The following UQCC5 variants were observed in gnomAD, a reference collection of about 807,000 sequenced individuals.
UQCC5 encodes the protein ubiquinol-cytochrome c reductase complex assembly factor 5.
At chr3:52,540,143 G>A in the UQCC5 span, among the ~76,000 whole-genome samples, 2 of 152,216 alleles carry the variant, frequency 1.3e-5, no homozygotes, top group African/African-American at 4.8e-5. Flanking sequence ...GAAATTATGG[G>A]GGAGAAGGAA....
the UQCC5 span, chr3:52,536,982 A>G: frequency 2.0e-6 from 3 of 1,517,340 alleles, no homozygotes; most frequent in African/African-American, 4.2e-5. Context: ...TCTGGGGAGT[A>G]TTCTCAGATT....
the UQCC5 span, among the ~76,000 whole-genome samples, chr3:52,539,903 C>T: frequency 6.6e-6 from 1 of 152,186 alleles, no homozygotes. Flanking sequence ...TCCCAAAGTG[C>T]TGGGATTACA....
chr3:52,541,221 C>G, the UQCC5 span: 1 of 152,128 alleles, frequency 6.6e-6, no homozygotes, highest in African/African-American at 2.4e-5. Flanking sequence ...GAGGCTCAGT[C>G]TATTGAGTGA....
At chr3:52,536,788 G>A in the UQCC5 span, 1 of 1,551,824 alleles carries the variant, frequency 6.4e-7, no homozygotes, top group Non-Finnish European at 8.7e-7. Context: ...GACGGATTCT[G>A]CAGCGGGTGC....
At chr3:52,539,091 A>G in the UQCC5 span, among the ~76,000 whole-genome samples, 5 of 152,082 alleles carry the variant, frequency 3.3e-5, no homozygotes, top group Admixed American at 2.0e-4. Flanking sequence ...GTGGGTGAAA[A>G]AGAGTCAGGA....
the UQCC5 span, among the ~76,000 whole-genome samples, chr3:52,539,558 G>T: frequency 6.6e-6 from 1 of 152,184 alleles, no homozygotes; most frequent in Non-Finnish European, 1.5e-5. Flanking sequence ...AGCACTTTTG[G>T]TGACTGAAGG....
the UQCC5 span, chr3:52,536,692 C>T: frequency 3.9e-6 from 6 of 1,537,542 alleles, no homozygotes; most frequent in Non-Finnish European, 5.3e-6. Context: ...GGGGCGGTCT[C>T]GGCTGCGTCC....
chr3:52,539,601 G>C, the UQCC5 span, among the ~76,000 whole-genome samples: 1 of 151,976 alleles, frequency 6.6e-6, no homozygotes, highest in African/African-American at 2.4e-5. Context: ...AAAGAAAGAT[G>C]GTGGCAGACA....
chr3:52,538,356 G>A, the UQCC5 span, among the ~76,000 whole-genome samples: 1 of 152,232 alleles, frequency 6.6e-6, no homozygotes, highest in Non-Finnish European at 1.5e-5. Flanking sequence ...AGGTAGATAT[G>A]GTTATACAGA....
At chr3:52,537,052 A>T in the UQCC5 span, 1 of 1,168,546 alleles carries the variant, frequency 8.6e-7, no homozygotes, top group Non-Finnish European at 1.2e-6. Flanking sequence ...CTTGGCAGTC[A>T]GGGCGGCCTG....
chr3:52,536,671 C>G, the UQCC5 span: 1 of 1,519,202 alleles, frequency 6.6e-7, no homozygotes. Flanking sequence ...CGGTACACGG[C>G]GAGAACGGGC....
chr3:52,537,056 C>A, the UQCC5 span: 4 of 1,087,382 alleles, frequency 3.7e-6, no homozygotes, highest in Non-Finnish European at 5.2e-6. Flanking sequence ...GCAGTCAGGG[C>A]GGCCTGGCTC....
chr3:52,539,174 C>A, the UQCC5 span, among the ~76,000 whole-genome samples: 3 of 152,094 alleles, frequency 2.0e-5, no homozygotes, highest in African/African-American at 7.2e-5. Context: ...CCCCTCAGGA[C>A]ACAGCAAGCA....
At chr3:52,539,563 T>TGAAGG in the UQCC5 span, among the ~76,000 whole-genome samples, 1 of 151,600 alleles carries the variant, frequency 6.6e-6, no homozygotes, top group African/African-American at 2.4e-5. Context: ...TTTTGGTGAC[T>TGAAGG]GAAGGGGCAT....
the UQCC5 span, chr3:52,541,233 T>G: frequency 6.6e-6 from 1 of 152,166 alleles, no homozygotes; most frequent in Non-Finnish European, 1.5e-5. Flanking sequence ...ATTGAGTGAT[T>G]TGGCAATCTG....
chr3:52,536,892 G>A, the UQCC5 span: 2 of 1,551,614 alleles, frequency 1.3e-6, no homozygotes, highest in Admixed American at 3.9e-5. Context: ...GTGCGCGTGG[G>A]CCAGGAGACC....
chr3:52,540,494 T>C, the UQCC5 span: 3 of 1,517,020 alleles, frequency 2.0e-6, no homozygotes, highest in African/African-American at 1.4e-5. Context: ...GAGACTGAAC[T>C]TCAGCAGTCA....
chr3:52,539,721 C>T, the UQCC5 span, among the ~76,000 whole-genome samples: 1 of 151,456 alleles, frequency 6.6e-6, no homozygotes, highest in African/African-American at 2.4e-5. Flanking sequence ...TCACTGCAGC[C>T]TCTGCCTCCT....
the UQCC5 span, among the ~76,000 whole-genome samples, chr3:52,538,492 G>A: frequency 1.3e-5 from 2 of 152,118 alleles, no homozygotes; most frequent in African/African-American, 2.4e-5. Context: ...ACTGAGTTTC[G>A]CTCTTGTTGC....
Sources: gnomAD v4.1 joint callset for allele counts (sites outside exome capture counted in the v4.1 genomes callset) on GRCh38, gnomAD v4.1.1 for gene constraint, MANE v1.5 for transcripts, NCBI Gene and HGNC (gene_info 2026-07-23, HGNC 2026-07-21) for gene names.